Variants in GINS2 observed in about 807,000 individuals in gnomAD.
GINS2 encodes DNA replication complex GINS protein PSF2.
GINS2 carries 23 observed loss-of-function variants against 21.2 expected under a neutral mutation model. The observed-to-expected ratio is 1.08, with a 90% CI of 0.78 to 1.53. The LOEUF is 1.53. GINS2 is among the 40% of genes most tolerant of loss of function. GINS2 has a pLI of 0.00. For synonymous variants in GINS2, 118 were observed against 85.6 expected, an observed-to-expected ratio of 1.38 and a Z score of -2.09; for missense variants, 323 against 233.9, an observed-to-expected ratio of 1.38 and a Z score of -2.49.
chr16:85,682,823 C>T (rs2053745484), intron 2 of GINS2, among the ~76,000 whole-genome samples: 1 of 152,182 alleles, frequency 6.6e-6, no homozygotes. Flanking sequence ...CGGAGCACAG[C>T]TACGCTGCAG....
intron 2 of GINS2, among the ~76,000 whole-genome samples, chr16:85,683,226 A>G (rs889502): frequency 0.23 from 35,270 of 151,870 alleles, 4,479 homozygotes; most frequent in Middle Eastern, 0.3. Flanking sequence ...TGAACTCACT[A>G]GGCTCCCCTT....
At position 85,678,576 on chromosome 16, in the gene GINS2, A is replaced by T. The variant is rs138755140; in HGVS notation, c.396T>A (p.Ala132=). 133 of 1,613,904 alleles carry T rather than the reference A, an allele frequency of 8.2e-5. No homozygotes were observed. The highest frequency in any genetic ancestry group is 2.7e-4 in the Admixed American group (16 of 60,012). ...CCTCCTGCTGTCTCACAAAGCTGTC[A>T]GCAGACACTCGGAGTTTGGCTATAC... ...DTRIAKLRVS[A]DSFVRQQEAH... is the part of the protein sequence containing the mutation. Residue 132 remains alanine (A), a synonymous_variant, in exon 4 of 5, where the codon GCT becomes GCA. Transcript: ENST00000253462.
In GINS2 at chr16:85,676,890, G is replaced by C. The variant is rs990142082; in HGVS notation, c.*1322C>G. The C allele has an allele frequency of 4.6e-5, 7 of 152,216 alleles. No individual in the cohort carries two copies. The highest frequency in any genetic ancestry group is 9.7e-5 in the African/African-American group (4 of 41,446). 9.4% of individuals were successfully genotyped at this position (152,216 alleles called of 1,614,324 possible). On this transcript the variant is annotated 3_prime_UTR_variant, in exon 5 of 5. Transcript: ENST00000253462. ...TAAAATTTTTTTTGTTTGAGACAGA[G>C]TCTTGCTCTCGTTGCCCAGGCAGGA...
intron 2 of GINS2, among the ~76,000 whole-genome samples, chr16:85,685,035 C>A (rs1194281105): frequency 6.6e-6 from 1 of 152,058 alleles, no homozygotes; most frequent in East Asian, 1.9e-4. Context: ...GTGATCCACC[C>A]ATCTCGGCCT....
At chr16:85,688,735 G>C (rs2053801870) in intron 1 of GINS2, 74 bp downstream of exon 1, 1 of 849,612 alleles carries the variant, frequency 1.2e-6, no homozygotes, top group South Asian at 1.9e-5. Context: ...CGCGACCCCG[G>C]GGCTGAAGGC....
At chr16:85,681,957 G>C (rs941043832) in intron 2 of GINS2, among the ~76,000 whole-genome samples, 2 of 143,796 alleles carry the variant, frequency 1.4e-5, no homozygotes, top group African/African-American at 5.2e-5. Context: ...TTTGATGTTT[G>C]TTGTGTTTTG....
chr16:85,687,399 G>T, intron 2 of GINS2, 61 bp downstream of exon 2: 1 of 948,116 alleles, frequency 1.1e-6, no homozygotes, highest in Non-Finnish European at 1.6e-6. Flanking sequence ...CCCCGTGGGA[G>T]AGGGCGTCAC....
chr16:85,684,115 A>G (rs2053756155), intron 2 of GINS2, among the ~76,000 whole-genome samples: 1 of 152,224 alleles, frequency 6.6e-6, no homozygotes, highest in Non-Finnish European at 1.5e-5. Flanking sequence ...GCACTTTGGG[A>G]GACCGAGGTG....
rs2053692377 is a variant in GINS2, at chr16:85,677,727, A to AT, written c.*484_*485insA. The AT allele has an allele frequency of 6.4e-6, 1 of 155,976 alleles. No homozygotes were observed. Among genetic ancestry groups the AT allele is most frequent in the Non-Finnish European group, 1.4e-5 (1 of 70,428 alleles). The allele number at this position is 155,976 out of a possible 1,614,324, so 9.7% of individuals were successfully genotyped here. On this transcript the variant is annotated 3_prime_UTR_variant, in exon 5 of 5. Coordinates refer to ENST00000253462, the MANE Select transcript of GINS2 (RefSeq NM_016095.3). ...AGGGCTTAGAGGATAAGCACCGGTCAGCATTGTTGGCTGCACCATCTGCCA... is the reference window on the plus strand; with the variant it reads ...AGGGCTTAGAGGATAAGCACCGGTCATGCATTGTTGGCTGCACCATCTGCCA...
At chr16:85,686,434 T>G (rs1343539449) in intron 2 of GINS2, among the ~76,000 whole-genome samples, 2 of 149,750 alleles carry the variant, frequency 1.3e-5, no homozygotes, top group Non-Finnish European at 3.0e-5. Flanking sequence ...AAAAAAAAAG[T>G]ATACAAGTTT....
At position 85,688,426 on chromosome 16, in the gene GINS2, A is replaced by ATC. The variant is rs1267454238; in HGVS notation, c.90+382_90+383insGA. Among the ~76,000 whole-genome samples, 46 of 151,706 alleles carry ATC rather than the reference A, an allele frequency of 3.0e-4. 1 individual carries two copies. The highest frequency in any genetic ancestry group is 2.4e-3 in the Admixed American group (36 of 15,232). On this transcript the variant is annotated intron_variant, in intron 1 of 4. Coordinates refer to ENST00000253462, the MANE Select transcript of GINS2 (RefSeq NM_016095.3). ...CCGGGCGTGGTGGCGGGCACCTGTA[A>ATC]CAGCAGCTACTCAGGAGGCTGAGGC...
chr16:85,685,803 C>G (rs868130088), intron 2 of GINS2, among the ~76,000 whole-genome samples: 1 of 151,434 alleles, frequency 6.6e-6, no homozygotes, highest in Non-Finnish European at 1.5e-5. Flanking sequence ...CTGTCTTAAA[C>G]GGACCCCAGA....
At chr16:85,681,003 G>T (rs888891104) in intron 3 of GINS2, among the ~76,000 whole-genome samples, 1 of 152,370 alleles carries the variant, frequency 6.6e-6, no homozygotes, top group East Asian at 1.9e-4. Context: ...GAGATGTGAA[G>T]AATGAATGGA....
intron 2 of GINS2, among the ~76,000 whole-genome samples, chr16:85,686,277 G>C (rs1161395079): frequency 6.6e-6 from 1 of 152,144 alleles, no homozygotes; most frequent in Non-Finnish European, 1.5e-5. Flanking sequence ...AATTAGCCGA[G>C]CGTGGTAGCG....
rs933674039 is a variant in GINS2, at chr16:85,678,442, C to G, written c.432+98G>C. 4 of 1,550,236 alleles carry G rather than the reference C, an allele frequency of 2.6e-6. No homozygotes were observed. In the Admixed American group the frequency reaches 6.8e-5, roughly 27 times the overall value. On this transcript the variant is annotated intron_variant, in intron 4 of 4. Coordinates refer to ENST00000253462, the MANE Select transcript of GINS2 (RefSeq NM_016095.3). ...GAAACCAATGAACTGTTGAAAAGCA[C>G]AGCTAGTAATGCCTGCCTGTAATAG...
At position 85,677,596 on chromosome 16, in the gene GINS2, T is replaced by C. The variant is rs1029485131; in HGVS notation, c.*616A>G. 1 of 152,404 alleles carries C rather than the reference T, an allele frequency of 6.6e-6. No homozygotes were observed. Among genetic ancestry groups the C allele is most frequent in the Admixed American group, 6.5e-5 (1 of 15,308 alleles). The allele number at this position is 152,404 out of a possible 1,614,324, so 9.4% of individuals were successfully genotyped here. A position where few individuals can be genotyped will look rare whatever the true frequency, so the allele number is the denominator to read the frequency against. On this transcript the variant is annotated 3_prime_UTR_variant, in exon 5 of 5. Transcript: ENST00000253462. ...TTAACTGCCGTGTGCCTCAGTTTCG[T>C]TGACTGAGTCATCTCAGCCACAGGC...
Position 85,678,209 on chromosome 16 carries a change from T to C in GINS2, c.*3A>G. 2 of 1,612,746 alleles carry C rather than the reference T, an allele frequency of 1.2e-6. No homozygotes were observed. Among genetic ancestry groups the C allele is most frequent in the Non-Finnish European group, 1.7e-6 (2 of 1,179,692 alleles). ...CAGCAAGCCGCCTGCACCAGGCCTT[T>C]CTCTAGAAGTCCTGAGACTGAGTAC... On this transcript the variant is annotated 3_prime_UTR_variant, in exon 5 of 5. Transcript: ENST00000253462.
rs1250077422 is a variant in GINS2 at position 85,676,345 on chromosome 16, C to G, written c.*1867G>C. 1 of 152,224 alleles carries G rather than the reference C, an allele frequency of 6.6e-6. No homozygotes were observed. The highest frequency in any genetic ancestry group is 1.5e-5 in the Non-Finnish European group (1 of 68,058). 9.4% of individuals were successfully genotyped at this position (152,224 alleles called of 1,614,324 possible). On this transcript the variant is annotated 3_prime_UTR_variant, in exon 5 of 5. Transcript: ENST00000253462. ...TAGGACCCCTTGCCCTCCACAATAA[C>G]AAGTGGTTTCATTCTAAAAGATCCC...
At chr16:85,681,328 A>G (rs185401278) in intron 3 of GINS2, among the ~76,000 whole-genome samples, 57 of 152,348 alleles carry the variant, frequency 3.7e-4, no homozygotes, top group Admixed American at 2.2e-3. Context: ...TTCACCGGGA[A>G]GTGGAGAAAA....
Sources: gnomAD v4.1 joint callset for allele counts (sites outside exome capture counted in the v4.1 genomes callset) on GRCh38, gnomAD v4.1.1 for gene constraint, MANE v1.5 for transcripts, NCBI Gene and HGNC (gene_info 2026-07-23, HGNC 2026-07-21) for gene names.